Variants in MMP26 observed in about 807,000 individuals in gnomAD.
MMP26 encodes matrix metalloproteinase-26.
MMP26 carries 33 observed loss-of-function variants against 31.0 expected under a neutral mutation model. That is an observed-to-expected ratio of 1.06 (90% CI 0.81 to 1.42). The LOEUF (loss-of-function observed/expected upper bound fraction) is 1.42. Ranked by LOEUF, MMP26 falls within the 40% of genes most tolerant of loss-of-function variation. The pLI is 0.00. For missense variants in MMP26, 347 were observed against 316.1 expected (o/e 1.10, Z -0.74); for synonymous variants, 122 against 114.9 (o/e 1.06, Z -0.40).
chr11:4,790,591 C>T (rs754467797), intron 2 of MMP26, among the ~76,000 whole-genome samples: 2 of 152,028 alleles, frequency 1.3e-5, no homozygotes, highest in African/African-American at 2.4e-5. Flanking sequence ...TCAAATCAGG[C>T]GATAGTTCTC....
chr11:4,924,576 C>A (rs1172904236), intron 2 of MMP26, among the ~76,000 whole-genome samples: 1 of 152,086 alleles, frequency 6.6e-6, no homozygotes, highest in Non-Finnish European at 1.5e-5. Context: ...AAGCCTGGAA[C>A]AAAGGAACAT....
intron 1 of MMP26, among the ~76,000 whole-genome samples, chr11:4,764,865 G>A (rs1589893560): frequency 1.4e-5 from 2 of 143,364 alleles, no homozygotes; most frequent in African/African-American, 5.5e-5. Context: ...GTGACAGAGC[G>A]AGACTCCATC....
At position 4,803,650 on chromosome 11, in the gene MMP26, C is replaced by T. The variant is rs150778227; in HGVS notation, c.-145+36309C>T. 2.5e-5 allele frequency: 40 copies of T among 1,613,896 alleles called. No individual in the cohort carries two copies. The South Asian group carries it at 2.6e-4, about 11-fold the overall frequency. ...CAAGATGACACAGATATGGGAGGAA[C>T]GTGTGCTAAAAGCTTTGAGGCGGGC... On this transcript the variant is annotated intron_variant, in intron 2 of 7. Coordinates refer to ENST00000380390, the MANE Select transcript of MMP26 (RefSeq NM_021801.5).
intron 2 of MMP26, among the ~76,000 whole-genome samples, chr11:4,941,747 G>GA (rs11424777): frequency 0.83 from 126,255 of 151,412 alleles, 52,811 homozygotes; most frequent in Middle Eastern, 0.91. Context: ...TTATAAAAAG[G>GA]AAAAAATAGA....
At chr11:4,890,905 C>T (rs1850608958) in intron 2 of MMP26, among the ~76,000 whole-genome samples, 1 of 150,954 alleles carries the variant, frequency 6.6e-6, no homozygotes, top group African/African-American at 2.4e-5. Context: ...CTTTACCTTA[C>T]CCCATTTCAA....
intron 2 of MMP26, among the ~76,000 whole-genome samples, chr11:4,971,494 G>A (rs532027595): frequency 1.3e-5 from 2 of 152,306 alleles, no homozygotes; most frequent in African/African-American, 4.8e-5. Context: ...AACGTGATAT[G>A]TATAGGAGCT....
intron 2 of MMP26, among the ~76,000 whole-genome samples, chr11:4,901,402 C>T (rs1331295610): frequency 2.6e-5 from 4 of 151,890 alleles, no homozygotes; most frequent in South Asian, 4.2e-4. Context: ...CCTTGTGATC[C>T]GCCTGCCTCG....
rs145182324 is a variant in MMP26 at position 4,900,156 on chromosome 11, G to A, written c.-144-87912G>A. ...TTGAGTGGTGTAGCCCATGATACAA[G>A]CATGGTTGTGTGTCTACTGTTGCAA... On this transcript the variant is annotated intron_variant, in intron 2 of 7. Transcript: ENST00000380390. Among the ~76,000 whole-genome samples, 301 of 152,236 alleles carry A rather than the reference G, an allele frequency of 2.0e-3. 1 individual carries two copies. The highest frequency in any genetic ancestry group is 6.7e-3 in the African/African-American group (280 of 41,540).
At chr11:4,921,013 C>A (rs1341693299) in intron 2 of MMP26, among the ~76,000 whole-genome samples, 3 of 152,184 alleles carry the variant, frequency 2.0e-5, no homozygotes, top group Non-Finnish European at 4.4e-5. Flanking sequence ...GGTAGCTAAT[C>A]TTTTAAGTCA....
intron 2 of MMP26, among the ~76,000 whole-genome samples, chr11:4,852,757 A>G (rs1849993403): frequency 6.6e-6 from 1 of 152,206 alleles, no homozygotes; most frequent in Non-Finnish European, 1.5e-5. Flanking sequence ...TCAAAGAGAT[A>G]TCTTCACTCC....
chr11:4,802,851 A>T (rs1260007315), intron 2 of MMP26, among the ~76,000 whole-genome samples: 1 of 152,170 alleles, frequency 6.6e-6, no homozygotes, highest in East Asian at 1.9e-4. Context: ...ATTTTCAGAT[A>T]GTCCTTTCAA....
At chr11:4,726,589 G>A (rs1350001145) in intron 1 of MMP26, among the ~76,000 whole-genome samples, 1 of 152,334 alleles carries the variant, frequency 6.6e-6, no homozygotes, top group South Asian at 2.1e-4. Flanking sequence ...CTTCTCTCTA[G>A]ATGTCCTGAG....
At chr11:4,722,788 CGATATTCTTCACAACCACGGCCCTGGTG>C in intron 1 of MMP26, 1 of 994,376 alleles carries the variant, frequency 1.0e-6, no homozygotes, top group Non-Finnish European at 1.6e-6. Flanking sequence ...TCGTGGGTCT[CGATATTCTTCACAACCACGGCCCTGGTG>C]GAGCTGGTGT....
In MMP26 at chr11:4,888,609, T is replaced by C. The variant is rs575486418; in HGVS notation, c.-144-99459T>C. On this transcript the variant is annotated intron_variant, in intron 2 of 7. Coordinates refer to ENST00000380390, the MANE Select transcript of MMP26 (RefSeq NM_021801.5). ...CACAATCATCCTTCTGTTCTTTTAG[T>C]TGACCATGGCTTATGGAACTTTGCC... 7.2e-5 allele frequency among the ~76,000 whole-genome samples: 11 copies of C among 152,288 alleles called. No individual in the cohort carries two copies. In the South Asian group the frequency reaches 2.1e-3, roughly 29 times the overall value.
intron 2 of MMP26, among the ~76,000 whole-genome samples, chr11:4,855,190 C>T (rs1204375205): frequency 2.6e-5 from 4 of 152,156 alleles, no homozygotes; most frequent in Non-Finnish European, 5.9e-5. Context: ...TCCTCACCAG[C>T]AGTACAACAA....
intron 2 of MMP26, among the ~76,000 whole-genome samples, chr11:4,804,818 C>A (rs1849243575): frequency 7.3e-6 from 1 of 137,312 alleles, no homozygotes. Flanking sequence ...AAAAAAAACC[C>A]CATTAGCCAG....
rs149255961 is a variant in MMP26, at chr11:4,870,157, C to T, written c.-145+102816C>T. Among the ~76,000 whole-genome samples, 1,084 of 152,056 alleles carry T rather than the reference C, an allele frequency of 7.1e-3. 9 individuals are homozygous for T. The highest frequency in any genetic ancestry group is 0.025 in the African/African-American group (1,029 of 41,478). ...TAATGGGTGCAGCACACTGACATGG[C>T]ACATGTATACATATGTAACAAACCT... On this transcript the variant is annotated intron_variant, in intron 2 of 7. Transcript: ENST00000380390.
intron 2 of MMP26, among the ~76,000 whole-genome samples, chr11:4,858,027 C>G (rs1242242262): frequency 3.3e-5 from 5 of 152,064 alleles, no homozygotes; most frequent in South Asian, 4.2e-4. Flanking sequence ...ATTCAACAGC[C>G]CTTCATGCTC....
Position 4,704,796 on chromosome 11 carries a change from C to G in MMP26, c.-466C>G, listed in dbSNP as rs11607435. The stretch of plus-strand genomic sequence containing the variant: ...TCTCAAATCTGGTAGTTCTCCTATT[C>G]CTGAATTTTTTCCCTATGTTTTCTC... On this transcript the variant is annotated 5_prime_UTR_variant, in exon 1 of 8. Transcript: ENST00000380390. 0.014 allele frequency: 2,086 copies of G among 152,248 alleles called. 25 individuals carry two copies. Among genetic ancestry groups the G allele is most frequent in the Middle Eastern group, 0.048 (14 of 294 alleles). The allele number at this position is 152,248 out of a possible 1,614,324, so 9.4% of individuals were successfully genotyped here.
Sources: allele counts gnomAD v4.1 joint callset (sites outside exome capture counted in the v4.1 genomes callset), GRCh38; gene constraint gnomAD v4.1.1; transcripts MANE v1.5; gene names NCBI Gene and HGNC (gene_info 2026-07-23, HGNC 2026-07-21).